Variants in EVC2 observed in about 807,000 individuals in gnomAD.
EVC2 encodes the protein EvC ciliary complex subunit 2.
EVC2 carries 148 observed loss-of-function variants against 149.3 expected under a neutral mutation model. The observed-to-expected ratio is 0.99, with a 90% CI of 0.87 to 1.14. The LOEUF (loss-of-function observed/expected upper bound fraction) is 1.14. Ranked by LOEUF, EVC2 falls within the 50% of genes most tolerant of loss-of-function variation. The pLI is 0.00. For synonymous variants in EVC2, 776 were observed against 649.9 expected (o/e 1.19, Z -2.95); for missense variants, 1,854 against 1,627.3 (o/e 1.14, Z -2.40).
chr4:5,529,047 T>C, the EVC2 span, among the ~76,000 whole-genome samples: 1 of 152,202 alleles, frequency 6.6e-6, no homozygotes, highest in Non-Finnish European at 1.5e-5. This position sits in a 1 kb window ranked among gnomAD's most constrained non-coding sequence, Gnocchi z 4.5. Flanking sequence ...ACCCCTCATG[T>C]TTCCACGGAG....
At chr4:5,647,944 C>T (rs548885529) in intron 9 of EVC2, among the ~76,000 whole-genome samples, 23 of 152,228 alleles carry the variant, frequency 1.5e-4, no homozygotes, top group African/African-American at 5.3e-4. Flanking sequence ...AAGAAGGGGT[C>T]CCAAGTCAGT....
intron 16 of EVC2, among the ~76,000 whole-genome samples, chr4:5,608,197 T>C (rs544174720): frequency 1.3e-5 from 2 of 152,330 alleles, no homozygotes; most frequent in South Asian, 2.1e-4. Flanking sequence ...CATGGATATC[T>C]GCAGAAGATT....
At chr4:5,671,261 C>G (rs1343973680) in intron 7 of EVC2, among the ~76,000 whole-genome samples, 4 of 152,144 alleles carry the variant, frequency 2.6e-5, no homozygotes, top group Admixed American at 2.0e-4. Flanking sequence ...GCCTTCATAC[C>G]CCCGCTGCCT....
At chr4:5,594,829 T>G (rs1713223832) in intron 16 of EVC2, among the ~76,000 whole-genome samples, 1 of 151,984 alleles carries the variant, frequency 6.6e-6, no homozygotes, top group Admixed American at 6.6e-5. Flanking sequence ...TGAAAAAAAT[T>G]TAGGCGAATG....
intron 6 of EVC2, among the ~76,000 whole-genome samples, 185 bp from the exon 7 acceptor site, chr4:5,681,498 C>G (rs1720342737): frequency 6.6e-6 from 1 of 152,194 alleles, no homozygotes; most frequent in African/African-American, 2.4e-5. Flanking sequence ...ATCCCTCCCT[C>G]TCTACTGGAG....
chr4:5,706,480 A>AGATACATAGATAGATAGATACATAC (rs1722207337), intron 1 of EVC2, among the ~76,000 whole-genome samples: 1 of 150,988 alleles, frequency 6.6e-6, no homozygotes, highest in Non-Finnish European at 1.5e-5. Flanking sequence ...ATACATAGAT[A>AGATACATAGATAGATAGATACATAC]ATATTGAATG....
chr4:5,546,459 G>A (rs995957314), intron 21 of EVC2, among the ~76,000 whole-genome samples: 34 of 151,678 alleles, frequency 2.2e-4, no homozygotes, highest in South Asian at 8.3e-4. Context: ...GCAAACTATC[G>A]CAAGGACAAA....
intron 15 of EVC2, among the ~76,000 whole-genome samples, chr4:5,616,382 G>C (rs9991042): frequency 1.3e-5 from 2 of 152,038 alleles, no homozygotes; most frequent in African/African-American, 4.8e-5. Context: ...ACTCATGTCC[G>C]TGAATGGTCT....
intron 16 of EVC2, among the ~76,000 whole-genome samples, chr4:5,594,729 G>A (rs1560149168): frequency 6.6e-6 from 1 of 152,202 alleles, no homozygotes; most frequent in African/African-American, 2.4e-5. Context: ...AGAATGACTT[G>A]GACGAGTTGA....
At position 5,688,884 on chromosome 4, in the gene EVC2, T is replaced by G. The variant is rs113294715; in HGVS notation, c.706+273A>C. Among the ~76,000 whole-genome samples, 17,508 of 152,266 alleles carry G rather than the reference T, an allele frequency of 0.11. 1,270 individuals carry two copies. Among genetic ancestry groups the G allele is most frequent in the Middle Eastern group, 0.18 (52 of 294 alleles). ...TGTTTGAAATTTTTCATAATAAAAA[T>G]AGACTATGTATTTTTAAAAATTTCC... On this transcript the variant is annotated intron_variant, in intron 5 of 21. Transcript: ENST00000344408.
Position 5,689,329 on chromosome 4 carries a change from A to G in EVC2, c.534T>C (p.Ser178=), listed in dbSNP as rs1720948331. ...GCCATATGCGGGCTGTCTGTGCTTC[A>G]CTCGACCCAGACACCTAGGGCAGAA... ...FQKCALVSGS[S]EAQTARIWLL... Residue 178 remains serine (S), a synonymous_variant, in exon 5 of 22, where the codon AGT becomes AGC. Coordinates refer to ENST00000344408, the MANE Select transcript of EVC2 (RefSeq NM_147127.5). 3 of 1,613,812 alleles carry G rather than the reference A, an allele frequency of 1.9e-6. No homozygotes were observed. In the Admixed American group the frequency reaches 5.0e-5, roughly 27 times the overall value.
intron 16 of EVC2, among the ~76,000 whole-genome samples, chr4:5,602,632 A>G (rs538094301): frequency 3.2e-4 from 48 of 152,294 alleles, no homozygotes; most frequent in African/African-American, 1.1e-3. Flanking sequence ...GTTATACAGT[A>G]AAGAAAAAGG....
rs1441421692 is a variant in EVC2 at position 5,686,820 on chromosome 4, G to A, written c.707-1341C>T. Among the ~76,000 whole-genome samples the A allele has an allele frequency of 2.0e-5, 3 of 151,968 alleles. No homozygotes were observed. The highest frequency in any genetic ancestry group is 7.2e-5 in the African/African-American group (3 of 41,380). ...AAAAAAGTCACCTGTGCCCCAAGGTGAAAATCAATGTCACATTCCTTGGCG... is the reference window on the plus strand; with the variant it reads ...AAAAAAGTCACCTGTGCCCCAAGGTAAAAATCAATGTCACATTCCTTGGCG... On this transcript the variant is annotated intron_variant, in intron 5 of 21. Transcript: ENST00000344408. The surrounding 1 kb of genome is among the most constrained non-coding windows in gnomAD (Gnocchi z 5.4).
At position 5,567,132 on chromosome 4, in the gene EVC2, G is replaced by A. The variant is rs1008976087; in HGVS notation, c.3557+1312C>T. 7.2e-5 allele frequency among the ~76,000 whole-genome samples: 11 copies of A among 151,920 alleles called. No homozygotes were observed. Among genetic ancestry groups the A allele is most frequent in the Admixed American group, 5.2e-4 (8 of 15,256 alleles). On this transcript the variant is annotated intron_variant, in intron 20 of 21. Transcript: ENST00000344408. The surrounding 1 kb of genome is among the most constrained non-coding windows in gnomAD (Gnocchi z 4.4). ...AGCCCACACCCAGCCCTCTGACCACGCCAACAACCAGACCTCTGACCCCCT... is the reference window on the plus strand; with the variant it reads ...AGCCCACACCCAGCCCTCTGACCACACCAACAACCAGACCTCTGACCCCCT...
intron 15 of EVC2, among the ~76,000 whole-genome samples, chr4:5,617,520 T>C (rs114954211): frequency 4.6e-5 from 7 of 152,294 alleles, no homozygotes; most frequent in Non-Finnish European, 8.8e-5. Flanking sequence ...GAGTGGTGAA[T>C]GGGCCGGGGA....
At chr4:5,594,660 C>T (rs1038523762) in intron 16 of EVC2, among the ~76,000 whole-genome samples, 14 of 152,136 alleles carry the variant, frequency 9.2e-5, no homozygotes, top group African/African-American at 3.4e-4. Flanking sequence ...AAAAGCAGAG[C>T]GCCTCTCCTC....
chr4:5,600,096 T>C lies in EVC2; in HGVS notation c.2830-15246A>G, dbSNP rs549701136. 2.6e-5 allele frequency among the ~76,000 whole-genome samples: 4 copies of C among 152,296 alleles called. No individual in the cohort carries two copies. In the South Asian group the frequency reaches 8.3e-4, roughly 32 times the overall value. ...CATCACTTGGCATAGTTTTGCTTTGTTGTATTTTAAGGTTGATCTATTATC... is the reference window on the plus strand; with the variant it reads ...CATCACTTGGCATAGTTTTGCTTTGCTGTATTTTAAGGTTGATCTATTATC... On this transcript the variant is annotated intron_variant, in intron 16 of 21. Transcript: ENST00000344408.
intron 17 of EVC2, 62 bp downstream of exon 17, chr4:5,584,561 C>T: frequency 1.3e-6 from 2 of 1,511,588 alleles, no homozygotes; most frequent in Non-Finnish European, 1.8e-6. Flanking sequence ...GAGGAAGATG[C>T]AGAGGTAGGT....
At chr4:5,685,902 G>A (rs889185176) in intron 5 of EVC2, among the ~76,000 whole-genome samples, 2 of 152,264 alleles carry the variant, frequency 1.3e-5, no homozygotes, top group East Asian at 1.9e-4. Flanking sequence ...GGTGGGTGAT[G>A]GAGCCCGTCT....
Sources: gnomAD v4.1 joint callset for allele counts (sites outside exome capture counted in the v4.1 genomes callset) on GRCh38, gnomAD v4.1.1 for gene constraint, Gnocchi (gnomAD v3.1) non-coding constraint, MANE v1.5 for transcripts, NCBI Gene and HGNC (gene_info 2026-07-23, HGNC 2026-07-21) for gene names.